The following ANO1 variants were observed in gnomAD, a reference collection of about 807,000 sequenced individuals.
ANO1 encodes anoctamin-1.
A neutral mutation model predicts 124.0 loss-of-function variants in ANO1; 59 were observed. The observed-to-expected ratio is 0.48, with a 90% CI of 0.39 to 0.59. The LOEUF is 0.59. ANO1 is among the 20% of genes least tolerant of loss of function. The pLI, the probability that ANO1 is intolerant of heterozygous loss-of-function variation, is 0.00. For missense variants in ANO1, 1,059 were observed against 1,328.0 expected, an observed-to-expected ratio of 0.80 and a Z score of 3.15; for synonymous variants, 529 against 532.0, an observed-to-expected ratio of 0.99 and a Z score of 0.08.
At chr11:70,107,458 G>A (rs868191613) in intron 5 of ANO1, among the ~76,000 whole-genome samples, 28 of 145,030 alleles carry the variant, frequency 1.9e-4, no homozygotes, top group Middle Eastern at 3.5e-3. Flanking sequence ...GCCAGGGGGC[G>A]GGGTTGTTGG....
the ANO1 span, among the ~76,000 whole-genome samples, chr11:69,975,105 G>A: frequency 6.6e-6 from 1 of 152,188 alleles, no homozygotes; most frequent in Non-Finnish European, 1.5e-5. Context: ...CATGGCCACT[G>A]ACGGCACCAA....
chr11:70,020,915 G>A (rs1360336683), intron 1 of ANO1: 3 of 152,268 alleles, frequency 2.0e-5, no homozygotes, highest in Non-Finnish European at 4.4e-5. Flanking sequence ...TGACCATTCA[G>A]CCTCTCATTC....
At chr11:69,973,885 T>A in the ANO1 span, among the ~76,000 whole-genome samples, 7 of 149,924 alleles carry the variant, frequency 4.7e-5, no homozygotes, top group East Asian at 3.9e-4. Flanking sequence ...AAAAAAAAAA[T>A]TGGATTCCTT....
At chr11:69,982,185 C>T (rs1175879415), upstream of ANO1, among the ~76,000 whole-genome samples, 1 of 152,186 alleles carries the variant, frequency 6.6e-6, no homozygotes, top group Non-Finnish European at 1.5e-5. Context: ...ATGTGAATGT[C>T]ACCCCAGTGA....
At position 70,019,522 on chromosome 11, in the gene ANO1, A is replaced by C. The variant is rs563452542; in HGVS notation, c.58+33356A>C. Among the ~76,000 whole-genome samples the C allele has an allele frequency of 6.6e-5, 10 of 151,680 alleles. No homozygotes were observed. In the East Asian group the frequency reaches 1.8e-3, roughly 27 times the overall value. On this transcript the variant is annotated intron_variant, in intron 1 of 27. Transcript: ENST00000531349. ...TGGGTGTGCAGGAGCCGGCTCACCC[A>C]ATTCACACGGGCTCACCAGGACTCA...
chr11:69,975,579 C>A, the ANO1 span, among the ~76,000 whole-genome samples: 6 of 152,214 alleles, frequency 3.9e-5, no homozygotes, highest in Non-Finnish European at 8.8e-5. Flanking sequence ...AGCTTGTGGG[C>A]AGTTGGGGTG....
intron 8 of ANO1, among the ~76,000 whole-genome samples, chr11:70,118,104 C>T (rs1234270345): frequency 1.3e-5 from 2 of 151,950 alleles, no homozygotes; most frequent in Non-Finnish European, 2.9e-5. Context: ...GCCTATCCTC[C>T]CCCTAAAAAT....
chr11:69,983,458 G>T (rs565889814), upstream of ANO1, among the ~76,000 whole-genome samples: 170 of 152,334 alleles, frequency 1.1e-3, no homozygotes, highest in African/African-American at 3.7e-3. Context: ...CCGAGCCAGT[G>T]CACTGGCCCC....
At chr11:69,982,902 C>T (rs898999467), upstream of ANO1, among the ~76,000 whole-genome samples, 2 of 152,168 alleles carry the variant, frequency 1.3e-5, no homozygotes, top group African/African-American at 2.4e-5. Context: ...TTTAAATGAC[C>T]TGTGGCCTTG....
chr11:70,173,243 C>G (rs915931571), intron 22 of ANO1, among the ~76,000 whole-genome samples: 2 of 152,176 alleles, frequency 1.3e-5, no homozygotes, highest in East Asian at 3.8e-4. Context: ...AAGGCCCTGG[C>G]TTTGAAAGGG....
chr11:70,088,756 C>T (rs2044499727), intron 2 of ANO1, among the ~76,000 whole-genome samples: 1 of 152,100 alleles, frequency 6.6e-6, no homozygotes, highest in Non-Finnish European at 1.5e-5. Context: ...CAAAGCTCTC[C>T]TGGGAGTCTT....
chr11:70,051,386 T>C (rs1029009819), intron 1 of ANO1, among the ~76,000 whole-genome samples: 1 of 152,254 alleles, frequency 6.6e-6, no homozygotes, highest in Admixed American at 6.5e-5. Flanking sequence ...GTTTCCAGTT[T>C]GGACTCCTAT....
Position 70,182,670 on chromosome 11 carries a change from G to A in ANO1, c.2572G>A (p.Glu858Lys), listed in dbSNP as rs868476909. Residue 858 changes from glutamate to lysine, a missense_variant, in exon 24 of 26, where the codon GAG (glutamate) becomes AAG (lysine). Physicochemically the swap from Glu to Lys is moderately conservative, Grantham distance 56 (BLOSUM62 1). This residue lies in a region of ANO1 where 809 missense variants were observed against 1,094.9 expected (regional missense o/e 0.74). Coordinates refer to ENST00000355303, the MANE Select transcript of ANO1 (RefSeq NM_018043.7). ...APNDPLDLGYEVQICRYKDYR... is the reference protein window; with the variant it reads ...APNDPLDLGYKVQICRYKDYR... ...CAATGACCCCCTGGACCTGGGCTAC[G>A]AGGTGCAGATCTGCAGGTACTGCTC... 4 of 1,600,894 alleles carry A rather than the reference G, an allele frequency of 2.5e-6. No individual in the cohort carries two copies. Among genetic ancestry groups the A allele is most frequent in the East Asian group, 2.2e-5 (1 of 44,554 alleles).
intron 1 of ANO1, among the ~76,000 whole-genome samples, chr11:70,082,420 C>T (rs1438739056): frequency 6.6e-6 from 1 of 152,138 alleles, no homozygotes; most frequent in Non-Finnish European, 1.5e-5. Flanking sequence ...ATTAACCAGG[C>T]ATGGTGGTAT....
chr11:70,089,279 C>T lies in ANO1; in HGVS notation c.441+1195C>T, dbSNP rs530968471. Among the ~76,000 whole-genome samples the T allele has an allele frequency of 1.1e-4, 16 of 152,312 alleles. No homozygotes were observed. In the South Asian group the frequency reaches 2.9e-3, roughly 28 times the overall value. On this transcript the variant is annotated intron_variant, in intron 2 of 25. Coordinates refer to ENST00000355303, the MANE Select transcript of ANO1 (RefSeq NM_018043.7). Reference sequence around the variant, plus strand: ...GTCCCCAGTGGATGTTGAAAATGAACGTTGGCTTTGGTTTGAAATTTCATC... The same window carrying T: ...GTCCCCAGTGGATGTTGAAAATGAATGTTGGCTTTGGTTTGAAATTTCATC...
At position 70,103,062 on chromosome 11, in the gene ANO1, C is replaced by G. The variant is rs1458449932; in HGVS notation, c.442-4C>G. The G allele has an allele frequency of 6.2e-7, 1 of 1,607,910 alleles. No homozygotes were observed. Among genetic ancestry groups the G allele is most frequent in the African/African-American group, 1.3e-5 (1 of 74,850 alleles). ...TCAACCCAGAACTTTCCTTCTCTCTCCAGACTAAAATCCACGGAGTCGGGT... is the reference window on the plus strand; with the variant it reads ...TCAACCCAGAACTTTCCTTCTCTCTGCAGACTAAAATCCACGGAGTCGGGT... On this transcript the variant is annotated splice_region_variant and splice_polypyrimidine_tract_variant and intron_variant, in intron 2 of 25. Transcript: ENST00000355303.
At chr11:70,145,962 AAAAG>A (rs1565247212) in intron 11 of ANO1, among the ~76,000 whole-genome samples, 1 of 131,992 alleles carries the variant, frequency 7.6e-6, no homozygotes. Context: ...AAAAAAAAAA[AAAAG>A]AAAGAAAGAA....
At chr11:70,143,147 G>A (rs1035687197) in intron 11 of ANO1, among the ~76,000 whole-genome samples, 2 of 152,198 alleles carry the variant, frequency 1.3e-5, no homozygotes, top group Non-Finnish European at 2.9e-5. Context: ...GGGCTCAGGG[G>A]TGGAGGGCAG....
chr11:70,006,375 C>A, intron 1 of ANO1, among the ~76,000 whole-genome samples: 1 of 152,106 alleles, frequency 6.6e-6, no homozygotes. Flanking sequence ...TTGACCCCAG[C>A]CCTGTAAGCA....
Sources: gnomAD v4.1 joint callset for allele counts (sites outside exome capture counted in the v4.1 genomes callset) on GRCh38, gnomAD v4.1.1 for gene constraint, gnomAD v4.1.1 regional missense constraint, MANE v1.5 for transcripts, NCBI Gene and HGNC (gene_info 2026-07-23, HGNC 2026-07-21) for gene names.